CFAP221: variants seen among roughly 807,000 people sequenced by gnomAD.
The protein encoded by CFAP221 is cilia and flagella associated protein 221.
In CFAP221, 97 loss-of-function variants were observed where a neutral mutation model predicts 113.1. The observed-to-expected ratio is 0.86, with a 90% CI of 0.73 to 1.02. The LOEUF is 1.02. Among genes scored for constraint, CFAP221 ranks in the 50% least tolerant of loss-of-function variants. The probability of loss-of-function intolerance (pLI) is 0.00; values close to 1 mark genes in which losing one functional copy is unlikely to be tolerated. For missense variants in CFAP221, 1,025 were observed against 1,013.4 expected (o/e 1.01, Z -0.16); for synonymous variants, 331 against 354.4 (o/e 0.93, Z 0.74).
chr2:119,564,975 G>A (rs1168912107), intron 6 of CFAP221, among the ~76,000 whole-genome samples: 1 of 152,148 alleles, frequency 6.6e-6, no homozygotes, highest in Non-Finnish European at 1.5e-5. Flanking sequence ...TTTCTAAAAT[G>A]GTTGTAGGCC....
intron 2 of CFAP221, among the ~76,000 whole-genome samples, chr2:119,546,548 G>A (rs1260614778): frequency 6.6e-6 from 1 of 152,116 alleles, no homozygotes; most frequent in Non-Finnish European, 1.5e-5. Flanking sequence ...TCAGCAGGCA[G>A]CTGGGACTCC....
chr2:119,547,981 T>A (rs1680167563), intron 2 of CFAP221, among the ~76,000 whole-genome samples: 1 of 152,154 alleles, frequency 6.6e-6, no homozygotes, highest in Non-Finnish European at 1.5e-5. Context: ...TTTTTGTTTT[T>A]TTGAGACGGT....
At chr2:119,641,616 T>TTG (rs151056390) in intron 21 of CFAP221, among the ~76,000 whole-genome samples, 1 of 152,038 alleles carries the variant, frequency 6.6e-6, no homozygotes, top group African/African-American at 2.4e-5. Context: ...ATCCTCACAT[T>TTG]TGTGTGTGTG....
intron 15 of CFAP221, among the ~76,000 whole-genome samples, chr2:119,626,073 T>TG (rs1558974323): frequency 6.6e-6 from 1 of 152,158 alleles, no homozygotes; most frequent in Non-Finnish European, 1.5e-5. Context: ...CCCAAGTCGT[T>TG]GCCTTTTCCA....
rs1680863043 is a variant in CFAP221, at chr2:119,557,116, T to C, written c.241-2573T>C. 2.6e-5 allele frequency: 4 copies of C among 152,206 alleles called. 1 individual carries two copies. Among genetic ancestry groups the C allele is most frequent in the Admixed American group, 2.6e-4 (4 of 15,276 alleles). The allele number at this position is 152,206 out of a possible 1,614,324, so 9.4% of individuals were successfully genotyped here. A position where few individuals can be genotyped will look rare whatever the true frequency, so the allele number is the denominator to read the frequency against. ...CCCAGCAGCTTTGAGGACAGATCTCTGTTCTGGTCTTCTGCCCATAATGTC... is the reference window on the plus strand; with the variant it reads ...CCCAGCAGCTTTGAGGACAGATCTCCGTTCTGGTCTTCTGCCCATAATGTC... On this transcript the variant is annotated intron_variant, in intron 3 of 23. Coordinates refer to ENST00000413369, the MANE Select transcript of CFAP221 (RefSeq NM_001271049.2).
chr2:119,634,995 A>C (rs2104775741), intron 19 of CFAP221, among the ~76,000 whole-genome samples: 1 of 152,358 alleles, frequency 6.6e-6, no homozygotes, highest in South Asian at 2.1e-4. Context: ...AATAATTTTT[A>C]AAAGAATTAT....
chr2:119,608,625 G>A lies in CFAP221; in HGVS notation c.1221+36G>A, dbSNP rs371925073. On this transcript the variant is annotated intron_variant, in intron 12 of 23. Coordinates refer to ENST00000413369, the MANE Select transcript of CFAP221 (RefSeq NM_001271049.2). The stretch of plus-strand genomic sequence containing the variant: ...CTGCTAATTTGCTATCATTTGTTTC[G>A]CTAGATGTTTTTAAATTCCTACTAT... The A allele has an allele frequency of 5.0e-4, 770 of 1,551,574 alleles. 5 individuals carry two copies. The highest frequency in any genetic ancestry group is 5.1e-4 in the Middle Eastern group (3 of 5,872).
At chr2:119,574,632 C>T (rs1682305603) in intron 6 of CFAP221, among the ~76,000 whole-genome samples, 1 of 152,140 alleles carries the variant, frequency 6.6e-6, no homozygotes, top group Admixed American at 6.5e-5. Context: ...CTGAACACTG[C>T]ACAAGTAGCC....
At chr2:119,650,985 G>A (rs1364518281) in intron 22 of CFAP221, among the ~76,000 whole-genome samples, 7 of 152,178 alleles carry the variant, frequency 4.6e-5, no homozygotes, top group Admixed American at 4.6e-4. Flanking sequence ...TGAGTGTGGT[G>A]GAGATGGGTG....
At chr2:119,559,145 G>A (rs986547947) in intron 3 of CFAP221, among the ~76,000 whole-genome samples, 6 of 152,338 alleles carry the variant, frequency 3.9e-5, no homozygotes, top group East Asian at 3.9e-4. Flanking sequence ...CTGCCTCACA[G>A]GGATGGCCTT....
chr2:119,620,566 A>G (rs1288555351), intron 14 of CFAP221, among the ~76,000 whole-genome samples: 2 of 152,194 alleles, frequency 1.3e-5, no homozygotes, highest in Admixed American at 6.6e-5. Context: ...CCACCAGGCC[A>G]GCCTTACAAG....
chr2:119,578,570 T>C (rs1682615007), intron 6 of CFAP221, among the ~76,000 whole-genome samples: 1 of 152,250 alleles, frequency 6.6e-6, no homozygotes, highest in Non-Finnish European at 1.5e-5. Context: ...CACTTGGTAG[T>C]GATACCACCA....
chr2:119,580,847 A>C (rs1418439585), intron 6 of CFAP221: 1 of 152,368 alleles, frequency 6.6e-6, no homozygotes, highest in Admixed American at 6.5e-5. Context: ...TCACTGATTC[A>C]GGGGATCCGC....
chr2:119,633,608 A>G (rs1686925431), intron 19 of CFAP221, among the ~76,000 whole-genome samples: 1 of 151,688 alleles, frequency 6.6e-6, no homozygotes, highest in African/African-American at 2.4e-5. Flanking sequence ...AATATATAAG[A>G]AACTTCTACA....
At chr2:119,631,550 C>G (rs1019580374) in intron 19 of CFAP221, among the ~76,000 whole-genome samples, 1 of 152,106 alleles carries the variant, frequency 6.6e-6, no homozygotes, top group African/African-American at 2.4e-5. Context: ...TGGCACCTGC[C>G]TATAATCCCA....
In CFAP221 at chr2:119,605,280, A is replaced by T; in HGVS notation, c.1124A>T (p.His375Leu). ...GACATTCACGAAGAGATGGAAAATC[A>T]TCTTAAGTGGTAAATATTGAGCAAT... ...RQDIHEEMEN[H>L]LKWQVHLGKD... The change falls in exon 11 of 24, where the codon CAT (histidine) becomes CTT (leucine). Residue 375 changes from histidine to leucine, a missense_variant. By Grantham distance (99) the His-to-Leu change is moderately conservative (BLOSUM62 -3). Coordinates refer to ENST00000413369, the MANE Select transcript of CFAP221 (RefSeq NM_001271049.2). 2 of 1,610,762 alleles carry T rather than the reference A, an allele frequency of 1.2e-6. No homozygotes were observed. The highest frequency in any genetic ancestry group is 1.7e-6 in the Non-Finnish European group (2 of 1,176,954).
intron 7 of CFAP221, among the ~76,000 whole-genome samples, chr2:119,593,796 C>G (rs969572118): frequency 4.6e-5 from 7 of 151,996 alleles, no homozygotes; most frequent in Admixed American, 3.9e-4. Flanking sequence ...TGAGATGGCA[C>G]CACTGCACTC....
At position 119,558,557 on chromosome 2, in the gene CFAP221, C is replaced by T. The variant is rs536118652; in HGVS notation, c.241-1132C>T. Among the ~76,000 whole-genome samples the T allele has an allele frequency of 3.3e-5, 5 of 152,264 alleles. No homozygotes were observed. The South Asian group carries it at 1.0e-3, about 32-fold the overall frequency. On this transcript the variant is annotated intron_variant, in intron 3 of 23. Transcript: ENST00000413369. ...GCATGACCAGACACAGTGGCTTACA[C>T]CTGTAATCCCAGCACTTTCAGAGGC...
chr2:119,645,006 C>T (rs1209564072), intron 21 of CFAP221, among the ~76,000 whole-genome samples: 2 of 140,514 alleles, frequency 1.4e-5, no homozygotes, highest in South Asian at 2.6e-4. Flanking sequence ...CCCCCCCACC[C>T]CCTCCCACCC....
Sources: allele counts gnomAD v4.1 joint callset (sites outside exome capture counted in the v4.1 genomes callset), GRCh38; gene constraint gnomAD v4.1.1; transcripts MANE v1.5; gene names NCBI Gene and HGNC (gene_info 2026-07-23, HGNC 2026-07-21).